The following ADGRL3 variants were observed in gnomAD, a reference collection of about 807,000 sequenced individuals.
ADGRL3 encodes calcium-independent alpha-latrotoxin receptor 3.
ADGRL3 carries 62 observed loss-of-function variants against 153.5 expected under a neutral mutation model. The observed-to-expected ratio is 0.40, with a 90% confidence interval of 0.33 to 0.50. ADGRL3 has a LOEUF of 0.50. Ranked by LOEUF, ADGRL3 falls within the 20% of genes least tolerant of loss-of-function variation. ADGRL3 has a pLI of 0.47. For synonymous variants in ADGRL3, 710 were observed against 672.5 expected, an observed-to-expected ratio of 1.06 and a Z score of -0.86; for missense variants, 1,641 against 1,859.4, an observed-to-expected ratio of 0.88 and a Z score of 2.16.
intron 21 of ADGRL3, among the ~76,000 whole-genome samples, chr4:62,014,610 A>C (rs2099202827): frequency 1.3e-5 from 2 of 152,192 alleles, no homozygotes. Context: ...ATGGGTGAGA[A>C]CACTACTTCT....
Position 62,074,004 on chromosome 4 carries a change from A to G in ADGRL3, c.*3096A>G, listed in dbSNP as rs768733565. On this transcript the variant is annotated 3_prime_UTR_variant, in exon 27 of 27. Transcript: ENST00000683033. ...ATATTCATTTTGTCCTGTTTACACTAGCAAGGGTTGAATTCCTGAACTTGA... is the reference window on the plus strand; with the variant it reads ...ATATTCATTTTGTCCTGTTTACACTGGCAAGGGTTGAATTCCTGAACTTGA... The G allele has an allele frequency of 5.3e-5, 8 of 152,184 alleles. No individual in the cohort carries two copies. The highest frequency in any genetic ancestry group is 1.3e-4 in the Admixed American group (2 of 15,264). The allele number at this position is 152,184 out of a possible 1,614,324, so 9.4% of individuals were successfully genotyped here. A position where few individuals can be genotyped will look rare whatever the true frequency, so the allele number is the denominator to read the frequency against.
In ADGRL3 at chr4:61,747,430, T is replaced by C. The variant is rs566155185; in HGVS notation, c.1399+13876T>C. On this transcript the variant is annotated intron_variant, in intron 8 of 26. Coordinates refer to ENST00000683033, the MANE Select transcript of ADGRL3 (RefSeq NM_001387552.1). ...AAAAGAGAATTTTAGACCAATATCT[T>C]TGATGAACATTGATGCAAAAATCCT... 7.3e-5 allele frequency among the ~76,000 whole-genome samples: 11 copies of C among 151,594 alleles called. No homozygotes were observed. The South Asian group carries it at 1.0e-3, about 14-fold the overall frequency.
At chr4:61,627,665 A>T (rs1386601861) in intron 5 of ADGRL3, among the ~76,000 whole-genome samples, 6 of 152,076 alleles carry the variant, frequency 3.9e-5, no homozygotes, top group Non-Finnish European at 7.4e-5. Context: ...ACAAAAAAGT[A>T]AATAGTGCCT....
chr4:61,909,724 T>C lies in ADGRL3; in HGVS notation c.2052T>C (p.Ser684=), dbSNP rs370878948. The part of the protein sequence containing the change: ...LRNLTPGGKD[S]AARSLNKLQK... ...ACTTGACCCCAGGTGGAAAAGATAG[T>C]GCTGCCCGGAGTTTGAACAAGGTAA... Residue 684 remains serine, a synonymous_variant, in exon 12 of 27, where the codon AGT becomes AGC. Transcript: ENST00000683033. 6.4e-7 allele frequency: 1 copy of C among 1,562,282 alleles called. No homozygotes were observed. Among genetic ancestry groups the C allele is most frequent in the South Asian group, 1.2e-5 (1 of 84,964 alleles).
intron 5 of ADGRL3, among the ~76,000 whole-genome samples, chr4:61,652,693 T>C (rs1363771448): frequency 6.6e-6 from 1 of 152,242 alleles, no homozygotes; most frequent in Non-Finnish European, 1.5e-5. Context: ...TCACCTAAGA[T>C]TATTTCCATA....
intron 2 of ADGRL3, among the ~76,000 whole-genome samples, chr4:61,442,097 C>T (rs916669868): frequency 6.6e-6 from 1 of 152,142 alleles, no homozygotes; most frequent in Non-Finnish European, 1.5e-5. Context: ...AAGACCCCCA[C>T]CCAGTGCTTA....
intron 2 of ADGRL3, among the ~76,000 whole-genome samples, chr4:61,402,552 G>T (rs2096942370): frequency 6.6e-6 from 1 of 151,982 alleles, no homozygotes; most frequent in Non-Finnish European, 1.5e-5. Context: ...TCCTAGGTAG[G>T]GTGATGTTGC....
chr4:61,668,280 G>A (rs561824665), intron 5 of ADGRL3, among the ~76,000 whole-genome samples: 10 of 152,290 alleles, frequency 6.6e-5, no homozygotes, highest in African/African-American at 2.2e-4. Flanking sequence ...ACAGCCTCTA[G>A]AGTCTAGAAA....
intron 2 of ADGRL3, among the ~76,000 whole-genome samples, chr4:61,467,735 A>G (rs774161428): frequency 2.0e-5 from 3 of 152,146 alleles, no homozygotes; most frequent in Non-Finnish European, 4.4e-5. Context: ...AATTTTCAGT[A>G]GTACAGATGA....
intron 5 of ADGRL3, among the ~76,000 whole-genome samples, chr4:61,615,530 A>G (rs1053898177): frequency 6.6e-6 from 1 of 151,970 alleles, no homozygotes; most frequent in Admixed American, 6.6e-5. Context: ...AAAAGAACGA[A>G]GAAGAACAGA....
chr4:61,339,615 A>G (rs1364512307), intron 1 of ADGRL3, among the ~76,000 whole-genome samples: 1 of 152,202 alleles, frequency 6.6e-6, no homozygotes, highest in Non-Finnish European at 1.5e-5. Flanking sequence ...AAGAGACTTC[A>G]TATGTTTTTT....
At chr4:61,928,049 T>C (rs2098801868) in intron 13 of ADGRL3, among the ~76,000 whole-genome samples, 1 of 150,676 alleles carries the variant, frequency 6.6e-6, no homozygotes, top group Non-Finnish European at 1.5e-5. Flanking sequence ...ATAATAAAAA[T>C]AATAATATAA....
Position 61,646,313 on chromosome 4 carries a change from T to C in ADGRL3, c.474-30513T>C, listed in dbSNP as rs984052940. On this transcript the variant is annotated intron_variant, in intron 5 of 26. Coordinates refer to ENST00000683033, the MANE Select transcript of ADGRL3 (RefSeq NM_001387552.1). Reference sequence around the variant, plus strand: ...CAAAGTCATTCTCCATCCAGCTTTGTTTCGTTGCTGGTGAGGAACTGCGTT... The same window carrying C: ...CAAAGTCATTCTCCATCCAGCTTTGCTTCGTTGCTGGTGAGGAACTGCGTT... Among the ~76,000 whole-genome samples, 25 of 152,290 alleles carry C rather than the reference T, an allele frequency of 1.6e-4. 1 individual carries two copies. The highest frequency in any genetic ancestry group is 6.0e-4 in the African/African-American group (25 of 41,564).
At chr4:61,417,219 G>T (rs74494780) in intron 2 of ADGRL3, among the ~76,000 whole-genome samples, 4,920 of 152,060 alleles carry the variant, frequency 0.032, 244 homozygotes, top group East Asian at 0.21. Context: ...CAAGACCGGG[G>T]GTGGTGGCTT....
chr4:61,232,904 A>G (rs1432554445), intron 1 of ADGRL3, among the ~76,000 whole-genome samples: 1 of 152,144 alleles, frequency 6.6e-6, no homozygotes, highest in Non-Finnish European at 1.5e-5. Context: ...TGTCATCAGG[A>G]CTTTGACTTA....
intron 1 of ADGRL3, among the ~76,000 whole-genome samples, chr4:61,304,640 A>ATGTG (rs200233068): frequency 3.3e-5 from 5 of 151,726 alleles, no homozygotes; most frequent in African/African-American, 1.2e-4. Context: ...TATGTAATTC[A>ATGTG]TGTGTGTGTG....
At chr4:61,356,098 C>T (rs1264597537) in intron 1 of ADGRL3, among the ~76,000 whole-genome samples, 2 of 151,980 alleles carry the variant, frequency 1.3e-5, no homozygotes, top group Non-Finnish European at 2.9e-5. Flanking sequence ...ACTACACCTT[C>T]GTTTCTTTCA....
rs113753608 is a variant in ADGRL3, at chr4:61,894,545, C to A, written c.1784-1186C>A. On this transcript the variant is annotated intron_variant, in intron 10 of 26. Coordinates refer to ENST00000683033, the MANE Select transcript of ADGRL3 (RefSeq NM_001387552.1). ...ACTTCTAAAAGAAAAATAATAATAG[C>A]CCCTTACTGCAGACCTTTGTTTTGA... is the stretch of plus-strand genomic sequence containing the variant. Among the ~76,000 whole-genome samples the A allele has an allele frequency of 2.1e-3, 320 of 152,192 alleles. 3 individuals carry two copies. The highest frequency in any genetic ancestry group is 6.5e-3 in the African/African-American group (269 of 41,520).
intron 14 of ADGRL3, 127 bp from the exon 15 acceptor site, chr4:61,935,796 C>T: frequency 6.9e-6 from 6 of 867,538 alleles, no homozygotes; most frequent in South Asian, 5.3e-5. Context: ...TAAAGATTTT[C>T]ATAAAGCATG....
Sources: gnomAD v4.1 joint callset for allele counts (sites outside exome capture counted in the v4.1 genomes callset) on GRCh38, gnomAD v4.1.1 for gene constraint, MANE v1.5 for transcripts, NCBI Gene and HGNC (gene_info 2026-07-23, HGNC 2026-07-21) for gene names.